The following RACGAP1 variants were observed in gnomAD, a reference collection of about 807,000 sequenced individuals.
RACGAP1 encodes Rac GTPase activating protein 1, also known as rac GTPase-activating protein 1.
Under a neutral mutation model 78.1 loss-of-function variants are expected in RACGAP1, and 30 were observed. The observed-to-expected ratio is 0.38, with a 90% CI of 0.29 to 0.52. RACGAP1 has a LOEUF of 0.52. Ranked by LOEUF, RACGAP1 falls within the 20% of genes least tolerant of loss-of-function variation. RACGAP1 has a pLI of 0.82. For missense variants in RACGAP1, 587 were observed against 777.1 expected, an observed-to-expected ratio of 0.76 and a Z score of 2.91; for synonymous variants, 231 against 264.8, an observed-to-expected ratio of 0.87 and a Z score of 1.24.
At chr12:50,026,262 C>G (rs557107350), upstream of RACGAP1, among the ~76,000 whole-genome samples, 3 of 151,752 alleles carry the variant, frequency 2.0e-5, no homozygotes, top group African/African-American at 7.3e-5. Context: ...CATGGCTACC[C>G]GCAATTTGGA....
In RACGAP1 at chr12:49,992,083, C is replaced by T; in HGVS notation, c.1629G>A (p.Met543Ile). The T allele has an allele frequency of 1.2e-6, 2 of 1,614,144 alleles. No homozygotes were observed. Among genetic ancestry groups the T allele is most frequent in the Non-Finnish European group, 1.7e-6 (2 of 1,180,026 alleles). ...SLPLEYWSQF[M>I]MVEQENIDPL... ...GGTCAATGTTCTCTTGCTCCACCAT[C>T]ATGAACTGACTCCAATACTCCAGAG... is the stretch of plus-strand genomic sequence containing the variant. Residue 543 changes from methionine to isoleucine, a missense_variant, in exon 15 of 17, where the codon ATG (methionine) becomes ATA (isoleucine). Transcript: ENST00000312377.
At chr12:50,008,785 G>A (rs1311250370) in intron 2 of RACGAP1, among the ~76,000 whole-genome samples, 4 of 152,098 alleles carry the variant, frequency 2.6e-5, no homozygotes, top group Non-Finnish European at 5.9e-5. Context: ...AAGCCACCAT[G>A]CCCGGCCGAA....
chr12:49,991,558 G>A (rs1332711963), intron 15 of RACGAP1, among the ~76,000 whole-genome samples: 1 of 133,784 alleles, frequency 7.5e-6, no homozygotes, highest in African/African-American at 2.9e-5. Flanking sequence ...CGGGATCTCA[G>A]CTCACTGCAA....
rs1020832050 is a variant in RACGAP1 at position 49,999,531 on chromosome 12, G to A, written c.748+85C>T. 2.4e-5 allele frequency: 29 copies of A among 1,214,190 alleles called. No homozygotes were observed. The African/African-American group carries it at 2.7e-4, about 11-fold the overall frequency. The allele number at this position is 1,214,190 out of a possible 1,614,324, so 75.2% of individuals were successfully genotyped here. On this transcript the variant is annotated intron_variant, in intron 8 of 16. Coordinates refer to ENST00000312377, the MANE Select transcript of RACGAP1 (RefSeq NM_001319999.2). ...AAACTACCCAATACATCCAATCCCC[G>A]CCTCCAGAGGGTTCTAAGAAACCAA...
At chr12:49,994,079 A>C in intron 12 of RACGAP1, 52 bp downstream of exon 12, 2 of 1,467,660 alleles carry the variant, frequency 1.4e-6, no homozygotes, top group Middle Eastern at 5.0e-4. Flanking sequence ...AGAGAGTAAG[A>C]AAAACTACTG....
intron 1 of RACGAP1, among the ~76,000 whole-genome samples, chr12:50,024,463 A>C (rs1218339930): frequency 6.6e-6 from 1 of 152,202 alleles, no homozygotes; most frequent in Non-Finnish European, 1.5e-5. Context: ...CAATGGGTAC[A>C]CAGACATACA....
intron 2 of RACGAP1, among the ~76,000 whole-genome samples, chr12:50,016,059 C>T (rs1205101595): frequency 1.3e-5 from 2 of 151,742 alleles, no homozygotes; most frequent in Non-Finnish European, 2.9e-5. Context: ...GAAAATAGTG[C>T]CAACTATTCA....
intron 2 of RACGAP1, among the ~76,000 whole-genome samples, chr12:50,031,231 C>A (rs1950330212): frequency 6.6e-6 from 1 of 151,332 alleles, no homozygotes; most frequent in Admixed American, 6.6e-5. Flanking sequence ...AATCCCAGCA[C>A]TTTGGGAGGC....
chr12:50,024,649 A>T (rs1950185354), intron 1 of RACGAP1, among the ~76,000 whole-genome samples: 1 of 152,144 alleles, frequency 6.6e-6, no homozygotes, highest in Non-Finnish European at 1.5e-5. Context: ...TACCCCCTAA[A>T]TATACAAAAA....
chr12:50,012,793 G>A (rs1949432731), intron 2 of RACGAP1, among the ~76,000 whole-genome samples: 1 of 151,268 alleles, frequency 6.6e-6, no homozygotes, highest in Non-Finnish European at 1.5e-5. Flanking sequence ...GCCGGGCGCG[G>A]TGGCTCACCC....
rs1045817900 is a variant in RACGAP1, at chr12:50,006,308, G to C, written c.288+126C>G. On this transcript the variant is annotated intron_variant, in intron 3 of 16. Transcript: ENST00000312377. ...CTCTAATCATGGGCAAGCTGTTAAA[G>C]AACAGGTCACTTTCAGTTCTTTAAT... The C allele has an allele frequency of 2.8e-5, 28 of 1,006,710 alleles. No homozygotes were observed. The African/African-American group carries it at 3.8e-4, about 14-fold the overall frequency. 62.4% of individuals were successfully genotyped at this position (1,006,710 alleles called of 1,614,324 possible).
chr12:49,991,479 A>ATATATATATATATATATATATATATTT (rs1555169074), intron 15 of RACGAP1, among the ~76,000 whole-genome samples: 1 of 24,090 alleles, frequency 4.2e-5, no homozygotes, highest in Admixed American at 5.7e-4. Flanking sequence ...ATATATATAT[A>ATATATATATATATATATATATATATTT]TTTTTTTTTT....
chr12:50,019,147 C>T (rs1363964255), intron 1 of RACGAP1, among the ~76,000 whole-genome samples: 3 of 152,126 alleles, frequency 2.0e-5, no homozygotes, highest in Non-Finnish European at 2.9e-5. Context: ...ATCACTAAAC[C>T]TTGTGTACTC....
At position 50,018,570 on chromosome 12, in the gene RACGAP1, G is replaced by A. The variant is rs181596751; in HGVS notation, c.-4-1851C>T. The A allele has an allele frequency of 3.1e-6, 4 of 1,288,708 alleles. No homozygotes were observed. The African/African-American group carries it at 6.1e-5, about 20-fold the overall frequency. The allele number at this position is 1,288,708 out of a possible 1,614,324, so 79.8% of individuals were successfully genotyped here. ...AGGACATTGGGTAGTCAATTCAAAT[G>A]TTGATTTCCTTTGGCTCTCCTGAGG... On this transcript the variant is annotated intron_variant, in intron 1 of 16. Transcript: ENST00000312377.
At chr12:50,028,559 A>C (rs1429912104), upstream of RACGAP1, among the ~76,000 whole-genome samples, 1 of 152,100 alleles carries the variant, frequency 6.6e-6, no homozygotes, top group African/African-American at 2.4e-5. Context: ...TCTTGAGATC[A>C]GGAGTTCGAG....
intron 16 of RACGAP1, 37 bp downstream of exon 16, chr12:49,990,647 T>A (rs772853191): frequency 2.7e-5 from 39 of 1,470,800 alleles, no homozygotes; most frequent in Non-Finnish European, 3.6e-5. Context: ...AAGAAAGTAG[T>A]TGTTTTTTAT....
At chr12:50,028,804 G>A (rs188115303), upstream of RACGAP1, among the ~76,000 whole-genome samples, 9 of 151,892 alleles carry the variant, frequency 5.9e-5, no homozygotes, top group East Asian at 5.8e-4. Context: ...AATTATGGCC[G>A]GGCACAGTGG....
rs138406324 is a variant in RACGAP1 at position 49,997,427 on chromosome 12, A to G, written c.880-223T>C. 8.0e-3 allele frequency among the ~76,000 whole-genome samples: 1,217 copies of G among 152,012 alleles called. 16 individuals are homozygous for G. The highest frequency in any genetic ancestry group is 0.028 in the African/African-American group (1,145 of 41,402). On this transcript the variant is annotated intron_variant, in intron 9 of 16. Coordinates refer to ENST00000312377, the MANE Select transcript of RACGAP1 (RefSeq NM_001319999.2). ...GTAACTGGGATTACAGGTGCCCACCACTACGCCCAGCTAATTTTTCGTATT... is the reference window on the plus strand; with the variant it reads ...GTAACTGGGATTACAGGTGCCCACCGCTACGCCCAGCTAATTTTTCGTATT...
Position 49,999,728 on chromosome 12 carries a change from A to G in RACGAP1, c.636T>C (p.Asn212=), listed in dbSNP as rs771933783. The part of the protein sequence containing the change: ...RSIGSAVDQG[N]ESIVAKTTVT... ...CTGTAGTTTTTGCAACTATGGATTC[A>G]TTCCCCTGCAACAAAAGTAGTAATG... The change falls in exon 8 of 17, where the codon AAT becomes AAC. Residue 212 remains asparagine, a synonymous_variant. Transcript: ENST00000312377. 6.2e-7 allele frequency: 1 copy of G among 1,608,178 alleles called. No individual in the cohort carries two copies. Among genetic ancestry groups the G allele is most frequent in the East Asian group, 2.2e-5 (1 of 44,866 alleles).
Sources: gnomAD v4.1 joint callset for allele counts (sites outside exome capture counted in the v4.1 genomes callset) on GRCh38, gnomAD v4.1.1 for gene constraint, MANE v1.5 for transcripts, NCBI Gene and HGNC (gene_info 2026-07-23, HGNC 2026-07-21) for gene names.